The following CORO2B variants were observed in gnomAD, a reference collection of about 807,000 sequenced individuals.
CORO2B encodes coronin 2B, also known as coronin-2B.
In CORO2B, 26 loss-of-function variants were observed where a neutral mutation model predicts 58.8. That is an observed-to-expected ratio of 0.44 (90% CI 0.32 to 0.61). The LOEUF is 0.61. Ranked by LOEUF, CORO2B falls within the 20% of genes least tolerant of loss-of-function variation. The pLI is 0.04. For missense variants in CORO2B, 460 were observed against 645.1 expected, an observed-to-expected ratio of 0.71 and a Z score of 3.11; for synonymous variants, 242 against 253.8, an observed-to-expected ratio of 0.95 and a Z score of 0.44.
intron 2 of CORO2B, among the ~76,000 whole-genome samples, chr15:68,677,262 C>A (rs534642865): frequency 3.3e-5 from 5 of 152,206 alleles, no homozygotes; most frequent in Admixed American, 6.5e-5. Context: ...GCAGGGTGCA[C>A]TGCTGGTCAT....
intron 1 of CORO2B, among the ~76,000 whole-genome samples, chr15:68,604,090 C>T (rs59307752): frequency 0.069 from 10,564 of 152,170 alleles, 1,198 homozygotes; most frequent in African/African-American, 0.24. Flanking sequence ...GTATTTCATA[C>T]ACAGAAAGCA....
the CORO2B span, among the ~76,000 whole-genome samples, chr15:68,539,365 T>G: frequency 6.6e-6 from 1 of 152,186 alleles, no homozygotes; most frequent in Non-Finnish European, 1.5e-5. Context: ...CTGGAACATA[T>G]GAGATATGTC....
At chr15:68,545,911 C>G in the CORO2B span, among the ~76,000 whole-genome samples, 2 of 152,264 alleles carry the variant, frequency 1.3e-5, no homozygotes, top group Non-Finnish European at 2.9e-5. Flanking sequence ...CTGTCAAGGC[C>G]AATGGCACTC....
intron 1 of CORO2B, among the ~76,000 whole-genome samples, chr15:68,579,972 T>C (rs1899386337): frequency 6.6e-6 from 1 of 152,010 alleles, no homozygotes; most frequent in African/African-American, 2.4e-5. Flanking sequence ...GGCTTCCTAG[T>C]TGTAGGGAGG....
intron 1 of CORO2B, among the ~76,000 whole-genome samples, chr15:68,596,787 G>T (rs1014345601): frequency 6.6e-6 from 1 of 152,152 alleles, no homozygotes; most frequent in South Asian, 2.1e-4. Flanking sequence ...CGGAGCTCCT[G>T]GGAGAAGATC....
At chr15:68,531,254 G>T in the CORO2B span, among the ~76,000 whole-genome samples, 38 of 152,238 alleles carry the variant, frequency 2.5e-4, no homozygotes, top group Non-Finnish European at 1.8e-4. Context: ...GCCGAGGTGG[G>T]TGGATCACCT....
the CORO2B span, among the ~76,000 whole-genome samples, chr15:68,573,071 C>T: frequency 5.9e-5 from 9 of 152,150 alleles, no homozygotes; most frequent in Admixed American, 3.3e-4. Context: ...GGCAGCTGCT[C>T]AGGTGAGGGC....
the CORO2B span, among the ~76,000 whole-genome samples, chr15:68,549,552 TG>T: frequency 6.6e-6 from 1 of 152,216 alleles, no homozygotes; most frequent in African/African-American, 2.4e-5. Flanking sequence ...CCAGGCCCCC[TG>T]TGAGTCAGGG....
chr15:68,665,009 C>G (rs1902146187), intron 2 of CORO2B, among the ~76,000 whole-genome samples: 1 of 8,724 alleles, frequency 1.1e-4, no homozygotes, highest in African/African-American at 1.3e-4. Context: ...TTAAGTTTAC[C>G]AGTCTTTTAT....
intron 1 of CORO2B, among the ~76,000 whole-genome samples, chr15:68,599,591 C>T (rs1899924247): frequency 6.6e-6 from 1 of 152,206 alleles, no homozygotes; most frequent in South Asian, 2.1e-4. Context: ...TTCTTCCTTT[C>T]TTCAATTGCC....
Position 68,719,238 on chromosome 15 carries a change from C to T in CORO2B, c.1171+4C>T. ...TGGCTGGGAGGCATCAACCGAGGTA[C>T]CACAGCGGGGGGCTCCACAGAGCAC... is the stretch of plus-strand genomic sequence containing the variant. On this transcript the variant is annotated splice_donor_region_variant and intron_variant, in intron 10 of 11. Transcript: ENST00000261861. The T allele has an allele frequency of 6.2e-7, 1 of 1,613,456 alleles. No individual in the cohort carries two copies. Among genetic ancestry groups the T allele is most frequent in the Middle Eastern group, 1.7e-4 (1 of 6,060 alleles).
intron 1 of CORO2B, among the ~76,000 whole-genome samples, chr15:68,599,393 T>C (rs1899917725): frequency 6.6e-6 from 1 of 152,196 alleles, no homozygotes; most frequent in Non-Finnish European, 1.5e-5. Context: ...CCTGGCCCTA[T>C]AGATGTTCAA....
intron 5 of CORO2B, among the ~76,000 whole-genome samples, chr15:68,713,074 G>A (rs1892957450): frequency 6.6e-6 from 1 of 152,124 alleles, no homozygotes; most frequent in South Asian, 2.1e-4. Flanking sequence ...GCCGAGGACT[G>A]TTGTGTGTTA....
At chr15:68,609,080 G>A (rs980629055) in intron 1 of CORO2B, among the ~76,000 whole-genome samples, 1 of 152,180 alleles carries the variant, frequency 6.6e-6, no homozygotes, top group African/African-American at 2.4e-5. Context: ...GTGCCTGCAC[G>A]GTGCACTGGG....
intron 1 of CORO2B, among the ~76,000 whole-genome samples, chr15:68,587,484 G>A (rs1463934797): frequency 6.6e-6 from 1 of 152,036 alleles, no homozygotes; most frequent in African/African-American, 2.4e-5. Flanking sequence ...CTGCCTGTAC[G>A]GCACTCTACA....
the CORO2B span, among the ~76,000 whole-genome samples, chr15:68,523,632 A>C: frequency 6.6e-6 from 1 of 152,198 alleles, no homozygotes; most frequent in African/African-American, 2.4e-5. Flanking sequence ...TGTCAGGTTT[A>C]GTTTTCTGTG....
intron 1 of CORO2B, among the ~76,000 whole-genome samples, chr15:68,626,627 C>G (rs936258602): frequency 1.3e-5 from 2 of 152,158 alleles, no homozygotes; most frequent in African/African-American, 4.8e-5. Context: ...AGAGTCTTCC[C>G]GGGAATCACT....
intron 11 of CORO2B, among the ~76,000 whole-genome samples, chr15:68,724,255 A>G (rs1255838449): frequency 1.3e-5 from 2 of 152,192 alleles, no homozygotes; most frequent in Non-Finnish European, 2.9e-5. Flanking sequence ...TTCATTTAGC[A>G]TATTTTGATG....
intron 2 of CORO2B, among the ~76,000 whole-genome samples, chr15:68,693,039 A>G (rs1169025319): frequency 3.9e-5 from 6 of 152,186 alleles, no homozygotes; most frequent in African/African-American, 1.4e-4. Context: ...ACTGATATCA[A>G]CGCTCTCCAA....
Sources: allele counts gnomAD v4.1 joint callset (sites outside exome capture counted in the v4.1 genomes callset), GRCh38; gene constraint gnomAD v4.1.1; transcripts MANE v1.5; gene names NCBI Gene and HGNC (gene_info 2026-07-23, HGNC 2026-07-21).